CCNC: variants seen among roughly 807,000 people sequenced by gnomAD.
CCNC encodes cyclin C, also known as cyclin-C.
Under a neutral mutation model 50.0 loss-of-function variants are expected in CCNC, and 19 were observed. That is an observed-to-expected ratio of 0.38 (90% CI 0.27 to 0.56). The LOEUF (loss-of-function observed/expected upper bound fraction) is 0.56. Among genes scored for constraint, CCNC ranks in the 20% least tolerant of loss-of-function variants. The pLI is 0.72. For missense variants in CCNC, 200 were observed against 327.1 expected (o/e 0.61, Z 3.00); for synonymous variants, 93 against 103.7 (o/e 0.90, Z 0.63).
At chr6:99,555,379 G>T (rs994811623) in intron 5 of CCNC, among the ~76,000 whole-genome samples, 1 of 151,998 alleles carries the variant, frequency 6.6e-6, no homozygotes, top group Non-Finnish European at 1.5e-5. Flanking sequence ...CTCTCTCAAA[G>T]ATGTTTTTTT....
At chr6:99,543,813 T>C in intron 11 of CCNC, 1 of 1,387,706 alleles carries the variant, frequency 7.2e-7, no homozygotes, top group Non-Finnish European at 9.3e-7. Context: ...TATAACTTTG[T>C]GCCCTCACAT....
chr6:99,544,299 C>T, intron 11 of CCNC: 1 of 1,533,758 alleles, frequency 6.5e-7, no homozygotes, highest in Non-Finnish European at 8.7e-7. Flanking sequence ...CCAAAGGTAG[C>T]TGTTTGAATG....
intron 3 of CCNC, 24 bp downstream of exon 3, chr6:99,561,569 CAAAT>C (rs1303882279): frequency 4.6e-6 from 7 of 1,508,548 alleles, no homozygotes; most frequent in South Asian, 3.5e-5. Context: ...GATAAGAGTT[CAAAT>C]AAATAAAATA....
chr6:99,551,145 AG>A (rs1802282493), intron 6 of CCNC, 117 bp from the exon 7 acceptor site: 1 of 449,530 alleles, frequency 2.2e-6, no homozygotes, highest in African/African-American at 2.0e-5. Context: ...TTTACTAAAA[AG>A]TTTTAAAAAT....
chr6:99,543,213 A>C lies in CCNC; in HGVS notation c.*342T>G. On this transcript the variant is annotated 3_prime_UTR_variant, in exon 12 of 12. Coordinates refer to ENST00000520429, the MANE Select transcript of CCNC (RefSeq NM_005190.4). ...CAATGACCAAAGAGAATTTTAAACA[A>C]ATTATGCTTCATGTTTCCTGGCTTA... 1 of 166,210 alleles carries C rather than the reference A, an allele frequency of 6.0e-6. No individual in the cohort carries two copies. The highest frequency in any genetic ancestry group is 1.3e-5 in the Non-Finnish European group (1 of 77,152). The allele number at this position is 166,210 out of a possible 1,614,324, so 10.3% of individuals were successfully genotyped here.
chr6:99,567,727 C>G (rs1282208626), intron 1 of CCNC, among the ~76,000 whole-genome samples: 1 of 152,034 alleles, frequency 6.6e-6, no homozygotes, highest in Non-Finnish European at 1.5e-5. Context: ...TTCAATTTAC[C>G]CCATAACGCA....
chr6:99,564,647 G>C (rs949637777), intron 1 of CCNC, among the ~76,000 whole-genome samples: 5 of 151,934 alleles, frequency 3.3e-5, no homozygotes, highest in African/African-American at 1.2e-4. Context: ...TAATGATTAA[G>C]AGATTCTTCT....
At chr6:99,568,674 G>A (rs1769268720), upstream of CCNC, 1 of 1,506,800 alleles carries the variant, frequency 6.6e-7, no homozygotes, top group Non-Finnish European at 8.8e-7. Flanking sequence ...GAAAGGAAGA[G>A]GATGGCCCCC....
intron 5 of CCNC, among the ~76,000 whole-genome samples, chr6:99,554,785 C>T (rs866593880): frequency 6.6e-6 from 1 of 152,094 alleles, no homozygotes; most frequent in South Asian, 2.1e-4. Flanking sequence ...GCCCTGGTAC[C>T]TTTTATTGGA....
rs562183414 is a variant in CCNC at position 99,565,386 on chromosome 6, G to C, written c.33-2438C>G. ...TTTTTCCCTCTGTATATTTTCTGTT[G>C]CTAATGTAAATTATACTTCTCTATC... On this transcript the variant is annotated intron_variant, in intron 1 of 11. Transcript: ENST00000520429. Among the ~76,000 whole-genome samples the C allele has an allele frequency of 2.0e-3, 300 of 151,908 alleles. 3 individuals are homozygous for C. The highest frequency in any genetic ancestry group is 6.9e-3 in the African/African-American group (285 of 41,454).
chr6:99,558,006 C>T (rs1443676196), intron 5 of CCNC: 1 of 155,822 alleles, frequency 6.4e-6, no homozygotes, highest in African/African-American at 2.4e-5. Flanking sequence ...GTTTAAGCCA[C>T]CTGTTCTGTG....
chr6:99,562,517 A>G, intron 2 of CCNC: 1 of 205,238 alleles, frequency 4.9e-6, no homozygotes, highest in Non-Finnish European at 9.6e-6. Flanking sequence ...CGACCACTAT[A>G]GGATGTCAAT....
intron 1 of CCNC, among the ~76,000 whole-genome samples, chr6:99,563,613 T>C (rs576835518): frequency 6.6e-6 from 1 of 152,324 alleles, no homozygotes; most frequent in East Asian, 1.9e-4. Context: ...GGATGGATCA[T>C]TATTTAGCCA....
intron 5 of CCNC, among the ~76,000 whole-genome samples, chr6:99,556,654 C>T (rs772571493): frequency 1.3e-5 from 2 of 152,142 alleles, no homozygotes; most frequent in Non-Finnish European, 2.9e-5. Flanking sequence ...ATAAATAAAA[C>T]TGGCCAGGTG....
rs779787225 is a variant in CCNC at position 99,561,577 on chromosome 6, TAAAATA to T, written c.224+14_224+19del. The T allele has an allele frequency of 1.3e-6, 2 of 1,546,150 alleles. No homozygotes were observed. The highest frequency in any genetic ancestry group is 1.8e-6 in the Non-Finnish European group (2 of 1,123,634). On this transcript the variant is annotated intron_variant, in intron 3 of 11. Transcript: ENST00000520429. ...AACATTAGATAAGAGTTCAAATAAA[TAAAATA>T]AAAACAATCCTACCTGGCATAGAAT...
In CCNC at chr6:99,545,194, CAT is replaced by C; in HGVS notation, c.713_714del (p.Tyr238Ter). On this transcript the variant is annotated frameshift_variant, in exon 11 of 12. Coordinates refer to ENST00000520429, the MANE Select transcript of CCNC (RefSeq NM_005190.4). LOFTEE classifies it high-confidence loss of function. The part of the protein sequence containing the change: ...LEIIRVILKL[Y>X]EQWKNFDERK... ...CTCTCATCGAAATTCTTCCACTGCT[CAT>C]ATAGTTTTAAAATAACCCTGATTAT... 6.2e-7 allele frequency: 1 copy of C among 1,605,656 alleles called. No individual in the cohort carries two copies. Among genetic ancestry groups the C allele is most frequent in the Non-Finnish European group, 8.5e-7 (1 of 1,172,634 alleles).
Position 99,550,262 on chromosome 6 carries a change from A to G in CCNC, c.486T>C (p.Tyr162=), listed in dbSNP as rs1365435541. ...TGTCTTCTTGGCCCATGTCCTGCAC[A>G]TACTGGAGCAAAGGTCTATAAGGAT... ...VYHPYRPLLQ[Y]VQDMGQEDML... is the part of the protein sequence containing the mutation. Residue 162 remains tyrosine (Y), a synonymous_variant, in exon 8 of 12, where the codon TAT becomes TAC. Transcript: ENST00000520429. 1.9e-6 allele frequency: 3 copies of G among 1,613,392 alleles called. No homozygotes were observed. Among genetic ancestry groups the G allele is most frequent in the African/African-American group, 1.3e-5 (1 of 75,028 alleles).
chr6:99,554,573 T>C (rs1802437266), intron 5 of CCNC, among the ~76,000 whole-genome samples: 1 of 152,236 alleles, frequency 6.6e-6, no homozygotes, highest in African/African-American at 2.4e-5. Context: ...TTTTAAAATT[T>C]TGATGCTCAA....
chr6:99,545,512 GT>G (rs1441841049), intron 10 of CCNC, among the ~76,000 whole-genome samples: 2 of 152,030 alleles, frequency 1.3e-5, no homozygotes, highest in Non-Finnish European at 2.9e-5. Context: ...AAGAATAAAG[GT>G]TCTAATCATG....
Sources: gnomAD v4.1 joint callset for allele counts (sites outside exome capture counted in the v4.1 genomes callset) on GRCh38, gnomAD v4.1.1 for gene constraint, MANE v1.5 for transcripts, NCBI Gene and HGNC (gene_info 2026-07-23, HGNC 2026-07-21) for gene names.